Variants in CDKN2B-AS1 observed in about 807,000 individuals in gnomAD.
CDKN2B-AS1 encodes the protein CDKN2B antisense RNA 1 (non-protein coding).
At chr9:22,023,537 C>G (rs1359369654) in intron 1 of CDKN2B-AS1, among the ~76,000 whole-genome samples, 1 of 151,650 alleles carries the variant, frequency 6.6e-6, no homozygotes, top group Non-Finnish European at 1.5e-5. Flanking sequence ...AGTTTGAGAC[C>G]AGCCTGGATA....
At chr9:22,047,888 G>A (rs1257706922) in intron 2 of CDKN2B-AS1, among the ~76,000 whole-genome samples, 1 of 151,512 alleles carries the variant, frequency 6.6e-6, no homozygotes, top group African/African-American at 2.4e-5. Flanking sequence ...TTGGGCTATA[G>A]TCGTCCTCCT....
chr9:22,058,425 TAACACAGGACAAATGGAATTATTAGA>T (rs1212339599), intron 4 of CDKN2B-AS1: 1 of 152,232 alleles, frequency 6.6e-6, no homozygotes, highest in Non-Finnish European at 1.5e-5. Context: ...AACATAGACC[TAACACAGGACAAATGGAATTATTAGA>T]AACATTTTCT....
chr9:22,062,662 G>A (rs1241617732), intron 4 of CDKN2B-AS1, among the ~76,000 whole-genome samples: 1 of 152,062 alleles, frequency 6.6e-6, no homozygotes, highest in Non-Finnish European at 1.5e-5. Context: ...CCCTAAGTGA[G>A]GTGATATTCT....
chr9:22,071,284 G>GGTTTTTTTTTTTTTTTTT (rs1563962583), intron 4 of CDKN2B-AS1, among the ~76,000 whole-genome samples: 1 of 77,480 alleles, frequency 1.3e-5, no homozygotes, highest in Admixed American at 1.9e-4. Context: ...GAAATATCTA[G>GGTTTTTTTTTTTTTTTTT]CTTTTTTTTT....
chr9:22,076,339 C>T lies in CDKN2B-AS1; in HGVS notation n.438+19952C>T, dbSNP rs139878290. Among the ~76,000 whole-genome samples the T allele has an allele frequency of 8.5e-3, 1,289 of 152,196 alleles. 23 individuals are homozygous for T. Among genetic ancestry groups the T allele is most frequent in the African/African-American group, 0.029 (1,217 of 41,524 alleles). ...AAAGTGTGGGATTACAGGTGTGAGCCACCACACCTGGCCTGAGTTTAACAT... is the reference window on the plus strand; with the variant it reads ...AAAGTGTGGGATTACAGGTGTGAGCTACCACACCTGGCCTGAGTTTAACAT... On this transcript the variant is annotated intron_variant and non_coding_transcript_variant, in intron 4 of 4. Transcript: ENST00000650946.
chr9:22,057,784 G>A (rs2131293185), intron 4 of CDKN2B-AS1, among the ~76,000 whole-genome samples: 1 of 152,010 alleles, frequency 6.6e-6, no homozygotes, highest in Admixed American at 6.6e-5. Context: ...TCCAGCCTGG[G>A]CGATAGAGTG....
intron 4 of CDKN2B-AS1, among the ~76,000 whole-genome samples, chr9:22,099,840 T>A (rs562881699): frequency 6.6e-6 from 1 of 152,278 alleles, no homozygotes; most frequent in Admixed American, 6.5e-5. Context: ...ATTCATAAAG[T>A]TAATGTGGAT....
chr9:22,080,720 G>A (rs112086830), intron 4 of CDKN2B-AS1, among the ~76,000 whole-genome samples: 3 of 152,208 alleles, frequency 2.0e-5, no homozygotes, highest in Non-Finnish European at 2.9e-5. Context: ...GTAAGGTAGT[G>A]GAGAAAATGG....
chr9:22,126,574 C>CTTTTTTTTTTTTT lies in CDKN2B-AS1; in HGVS notation n.439-520_439-508dup, dbSNP rs34700018. Reference sequence around the variant, plus strand: ...TGAATGGGGATGGAGTAAGTGGATTCTTTTTTTTTTTTTTTTTTTTTGAGA... The same window carrying CTTTTTTTTTTTTT: ...TGAATGGGGATGGAGTAAGTGGATTCTTTTTTTTTTTTTTTTTTTTTTTTTTTTTTTTTTGAGA... On this transcript the variant is annotated intron_variant and non_coding_transcript_variant, in intron 4 of 4. Coordinates refer to ENST00000650946, the Ensembl canonical transcript of CDKN2B-AS1. 3.5e-4 allele frequency among the ~76,000 whole-genome samples: 37 copies of CTTTTTTTTTTTTT among 104,882 alleles called. 4 individuals are homozygous for CTTTTTTTTTTTTT. The highest frequency in any genetic ancestry group is 1.3e-3 in the African/African-American group (34 of 25,254). The allele number at this position is 104,882 out of a possible 152,430, so 68.8% of individuals were successfully genotyped here. A position where few individuals can be genotyped will look rare whatever the true frequency, so the allele number is the denominator to read the frequency against.
chr9:22,036,712 C>T (rs1822702428), intron 1 of CDKN2B-AS1, among the ~76,000 whole-genome samples: 1 of 152,112 alleles, frequency 6.6e-6, no homozygotes, highest in Non-Finnish European at 1.5e-5. Flanking sequence ...TCTTGTGTAA[C>T]TCCTCTGCCT....
chr9:22,110,598 C>G (rs1563987765), intron 4 of CDKN2B-AS1, among the ~76,000 whole-genome samples: 1 of 152,068 alleles, frequency 6.6e-6, no homozygotes, highest in Non-Finnish European at 1.5e-5. Flanking sequence ...GTTTAGTTTT[C>G]TCAAAATGTT....
At chr9:22,054,054 A>G (rs1281131581) in intron 3 of CDKN2B-AS1, among the ~76,000 whole-genome samples, 1 of 152,234 alleles carries the variant, frequency 6.6e-6, no homozygotes, top group Non-Finnish European at 1.5e-5. Flanking sequence ...AACGGAAATT[A>G]TAATAATAAC....
At chr9:22,111,632 G>C (rs951130075) in intron 4 of CDKN2B-AS1, among the ~76,000 whole-genome samples, 1 of 152,048 alleles carries the variant, frequency 6.6e-6, no homozygotes, top group South Asian at 2.1e-4. Context: ...AGAAAGACAG[G>C]TTTTTACAGT....
intron 1 of CDKN2B-AS1, chr9:22,008,727 G>A (rs746208436): frequency 2.5e-6 from 4 of 1,610,608 alleles, no homozygotes; most frequent in Non-Finnish European, 3.4e-6. Flanking sequence ...CTAGGTTCCA[G>A]CCCCGATCCG....
At chr9:22,085,281 G>A (rs958518362) in intron 4 of CDKN2B-AS1, among the ~76,000 whole-genome samples, 14 of 152,062 alleles carry the variant, frequency 9.2e-5, no homozygotes, top group African/African-American at 3.1e-4. Context: ...CACCTAACTG[G>A]GAAAAAGCAA....
intron 4 of CDKN2B-AS1, among the ~76,000 whole-genome samples, chr9:22,091,918 C>T (rs1825102625): frequency 6.6e-6 from 1 of 152,160 alleles, no homozygotes; most frequent in Admixed American, 6.5e-5. Flanking sequence ...AAAGGGAATG[C>T]TTCCAGGTTT....
chr9:22,091,567 G>C (rs944464817), intron 4 of CDKN2B-AS1, among the ~76,000 whole-genome samples: 2 of 152,094 alleles, frequency 1.3e-5, no homozygotes, highest in African/African-American at 4.8e-5. Flanking sequence ...GGATTCCTAG[G>C]TATTTTATTC....
intron 4 of CDKN2B-AS1, among the ~76,000 whole-genome samples, chr9:22,099,608 A>G (rs1292700750): frequency 6.6e-6 from 1 of 152,180 alleles, no homozygotes; most frequent in Non-Finnish European, 1.5e-5. Context: ...CCCCCAAATA[A>G]TAGTGTGTCA....
In CDKN2B-AS1 at chr9:21,996,084, G is replaced by C. The variant is rs1179507086; in HGVS notation, n.29+923G>C. 1 of 152,340 alleles carries C rather than the reference G, an allele frequency of 6.6e-6. No homozygotes were observed. Among genetic ancestry groups the C allele is most frequent in the East Asian group, 1.9e-4 (1 of 5,188 alleles). The allele number at this position is 152,340 out of a possible 1,614,324, so 9.4% of individuals were successfully genotyped here. On this transcript the variant is annotated intron_variant and non_coding_transcript_variant, in intron 1 of 4. Coordinates refer to ENST00000650946, the Ensembl canonical transcript of CDKN2B-AS1. The surrounding 1 kb of genome is among the most constrained non-coding windows in gnomAD (Gnocchi z 5.4). ...CAGGGCCTTACAGATCAGACGTCAAGCCCCCCAGACCTTACAGGGGAGGAA... is the reference window on the plus strand; with the variant it reads ...CAGGGCCTTACAGATCAGACGTCAACCCCCCCAGACCTTACAGGGGAGGAA...
Sources: gnomAD v4.1 joint callset for allele counts (sites outside exome capture counted in the v4.1 genomes callset) on GRCh38, gnomAD v4.1.1 for gene constraint, Gnocchi (gnomAD v3.1) non-coding constraint, MANE v1.5 for transcripts, NCBI Gene and HGNC (gene_info 2026-07-23, HGNC 2026-07-21) for gene names.